Variants in MCTP1 observed in about 807,000 individuals in gnomAD.
MCTP1 encodes multiple C2 and transmembrane domain containing 1.
A neutral mutation model predicts 120.6 loss-of-function variants in MCTP1; 69 were observed. The observed-to-expected ratio is 0.57, with a 90% CI of 0.47 to 0.70. The LOEUF is 0.70. MCTP1 is among the 30% of genes least tolerant of loss of function. The pLI is 0.00. For synonymous variants in MCTP1, 529 were observed against 493.1 expected (o/e 1.07, Z -0.96); for missense variants, 1,203 against 1,248.8 (o/e 0.96, Z 0.55).
chr5:95,206,785 C>T (rs981395298), intron 1 of MCTP1, among the ~76,000 whole-genome samples: 1 of 152,304 alleles, frequency 6.6e-6, no homozygotes, highest in African/African-American at 2.4e-5. Flanking sequence ...ATCCACCCCC[C>T]TCGGCCTCCC....
At chr5:94,728,457 G>A (rs898370883) in intron 19 of MCTP1, among the ~76,000 whole-genome samples, 1 of 152,168 alleles carries the variant, frequency 6.6e-6, no homozygotes, top group Non-Finnish European at 1.5e-5. Flanking sequence ...ATAAAAGTGG[G>A]ATGGGCATGG....
At chr5:94,788,406 T>C (rs1235112582) in intron 18 of MCTP1, among the ~76,000 whole-genome samples, 1 of 152,156 alleles carries the variant, frequency 6.6e-6, no homozygotes, top group East Asian at 1.9e-4. Context: ...GTTATTGGAC[T>C]CCTAATACTT....
At chr5:94,796,608 A>G (rs1780089339) in intron 18 of MCTP1, among the ~76,000 whole-genome samples, 1 of 92,258 alleles carries the variant, frequency 1.1e-5, no homozygotes, top group South Asian at 4.0e-4. Context: ...TATATATAAT[A>G]TATATAATAT....
chr5:94,980,551 C>A (rs1324360959), intron 2 of MCTP1, among the ~76,000 whole-genome samples: 3 of 151,926 alleles, frequency 2.0e-5, no homozygotes, highest in African/African-American at 7.3e-5. Context: ...TGATTTTGGA[C>A]AGGTATGTCA....
chr5:95,270,360 G>T (rs1395040367), intron 1 of MCTP1, among the ~76,000 whole-genome samples: 2 of 152,208 alleles, frequency 1.3e-5, no homozygotes, highest in African/African-American at 4.8e-5. Flanking sequence ...GTAAAATGCA[G>T]AAGACATCAA....
At chr5:94,756,885 CTTTTT>C (rs375357568) in intron 19 of MCTP1, among the ~76,000 whole-genome samples, 1 of 151,242 alleles carries the variant, frequency 6.6e-6, no homozygotes. Context: ...GAATTTATGA[CTTTTT>C]TTTTGTGGAA....
chr5:95,261,107 G>A lies in MCTP1; in HGVS notation c.720+22749C>T, dbSNP rs1168226820. Among the ~76,000 whole-genome samples the A allele has an allele frequency of 4.6e-5, 7 of 152,260 alleles. No homozygotes were observed. The East Asian group carries it at 7.7e-4, about 17-fold the overall frequency. ...CCTCTAGATAGTAAGGAAAATATCCGAAATTTGTTCCCAGCCCTATTCATT... is the reference window on the plus strand; with the variant it reads ...CCTCTAGATAGTAAGGAAAATATCCAAAATTTGTTCCCAGCCCTATTCATT... On this transcript the variant is annotated intron_variant, in intron 1 of 22. Transcript: ENST00000515393.
intron 1 of MCTP1, among the ~76,000 whole-genome samples, chr5:95,134,992 CAAAAAAAAAAAAAAAAAAAAAAAA>C (rs70978170): frequency 2.5e-4 from 9 of 35,310 alleles, no homozygotes; most frequent in African/African-American, 6.2e-4. Context: ...GCCTGATGGC[CAAAAAAAAAAAAAAAAAAAAAAAA>C]AAAAAAAAAA....
chr5:95,233,083 A>G (rs1254710579), intron 1 of MCTP1, among the ~76,000 whole-genome samples: 1 of 152,220 alleles, frequency 6.6e-6, no homozygotes, highest in African/African-American at 2.4e-5. Context: ...AAAAGTATAG[A>G]AGGCTTGAAC....
At chr5:95,043,021 A>G (rs1410403552) in intron 1 of MCTP1, among the ~76,000 whole-genome samples, 1 of 152,124 alleles carries the variant, frequency 6.6e-6, no homozygotes, top group Non-Finnish European at 1.5e-5. Flanking sequence ...TAAATTTGCT[A>G]GGCCAAAGGA....
chr5:95,098,690 T>G (rs1404068771), intron 1 of MCTP1, among the ~76,000 whole-genome samples: 1 of 151,806 alleles, frequency 6.6e-6, no homozygotes, highest in South Asian at 2.1e-4. Flanking sequence ...AAAATGGCCA[T>G]ACTGCCCAAG....
At chr5:94,852,521 T>C (rs1467011101) in intron 17 of MCTP1, among the ~76,000 whole-genome samples, 2 of 151,900 alleles carry the variant, frequency 1.3e-5, no homozygotes, top group Admixed American at 1.3e-4. Flanking sequence ...AAAAATTGTA[T>C]TATAGTTGGT....
chr5:94,754,499 T>G (rs1216403042), intron 19 of MCTP1, among the ~76,000 whole-genome samples: 1 of 152,244 alleles, frequency 6.6e-6, no homozygotes, highest in Admixed American at 6.5e-5. Context: ...AACCACATGG[T>G]AGATGTCATT....
chr5:95,273,648 T>C (rs1056239172), intron 1 of MCTP1, among the ~76,000 whole-genome samples: 2 of 152,200 alleles, frequency 1.3e-5, no homozygotes, highest in Non-Finnish European at 1.5e-5. Context: ...AAGAGAACCA[T>C]TTTATTCTGA....
At chr5:94,950,879 G>A (rs763076749) in intron 3 of MCTP1, among the ~76,000 whole-genome samples, 6 of 151,708 alleles carry the variant, frequency 4.0e-5, no homozygotes, top group African/African-American at 9.7e-5. Context: ...CTCAGGAGGC[G>A]GAGCTTGCAG....
rs776428430 is a variant in MCTP1, at chr5:94,799,107, A to G, written c.2462T>C (p.Phe821Ser). ...AACCAGTGGTATCATGTAGAGCTCA[A>G]AGTTCCAGACAACAAAGAGAAAGAG... ...FVLFLFVVWN[F>S]ELYMIPLVLL... Residue 821 changes from phenylalanine to serine, a missense_variant, in exon 18 of 23, where the codon TTT (phenylalanine) becomes TCT (serine). By Grantham distance (155) the Phe-to-Ser change is radical. Transcript: ENST00000515393. 2.5e-6 allele frequency: 4 copies of G among 1,612,010 alleles called. No homozygotes were observed. The African/African-American group carries it at 5.3e-5, about 22-fold the overall frequency.
intron 1 of MCTP1, among the ~76,000 whole-genome samples, chr5:95,272,675 G>A (rs1438120491): frequency 6.6e-6 from 1 of 152,178 alleles, no homozygotes. Flanking sequence ...AGAGCATGAG[G>A]CCTGAGAAAT....
chr5:95,262,439 C>G (rs182642892), intron 1 of MCTP1, among the ~76,000 whole-genome samples: 2 of 152,106 alleles, frequency 1.3e-5, no homozygotes, highest in Admixed American at 1.3e-4. Flanking sequence ...AGCATTACAC[C>G]CATTTTTAGG....
intron 1 of MCTP1, among the ~76,000 whole-genome samples, chr5:95,093,688 T>C (rs1295434830): frequency 1.3e-5 from 2 of 151,982 alleles, no homozygotes; most frequent in Admixed American, 1.3e-4. Context: ...AGAAAGGGAG[T>C]CCTCAAAATC....
Sources: allele counts gnomAD v4.1 joint callset (sites outside exome capture counted in the v4.1 genomes callset), GRCh38; gene constraint gnomAD v4.1.1; transcripts MANE v1.5; gene names NCBI Gene and HGNC (gene_info 2026-07-23, HGNC 2026-07-21).